PCSK1: variants seen among roughly 807,000 people sequenced by gnomAD.
The protein encoded by PCSK1 is proprotein convertase subtilisin/kexin type 1.
PCSK1 carries 56 observed loss-of-function variants against 90.6 expected under a neutral mutation model. The ratio of observed to expected loss-of-function variants is 0.62; its 90% CI spans 0.50 to 0.77. The LOEUF (loss-of-function observed/expected upper bound fraction) is 0.77, where lower values mean the gene tolerates loss of function less well. Among genes scored for constraint, PCSK1 ranks in the 30% least tolerant of loss-of-function variants. PCSK1 has a pLI of 0.00. For missense variants in PCSK1, 801 were observed against 932.6 expected (o/e 0.86, Z 1.84); for synonymous variants, 348 against 342.4 (o/e 1.02, Z -0.18).
At chr5:96,423,632 A>C (rs1021652361) in intron 3 of PCSK1, among the ~76,000 whole-genome samples, 173 bp from the exon 4 acceptor site, 2 of 152,152 alleles carry the variant, frequency 1.3e-5, no homozygotes, top group African/African-American at 4.8e-5. Context: ...GGCCAAATGA[A>C]CCCCCAGAGT....
In PCSK1 at chr5:96,399,801, T is replaced by A. The variant is rs1183573850; in HGVS notation, c.1430+152A>T. On this transcript the variant is annotated intron_variant, in intron 10 of 13. Transcript: ENST00000311106. Reference sequence around the variant, plus strand: ...GTTTCTAGAGCTTTGGTCTCTTAGTTAGTCCCCATGGATACCCACAGAGAA... The same window carrying A: ...GTTTCTAGAGCTTTGGTCTCTTAGTAAGTCCCCATGGATACCCACAGAGAA... 7 of 672,404 alleles carry A rather than the reference T, an allele frequency of 1.0e-5. No homozygotes were observed. The African/African-American group carries it at 1.3e-4, about 12-fold the overall frequency. The allele number at this position is 672,404 out of a possible 1,614,324, so 41.7% of individuals were successfully genotyped here.
At chr5:96,394,362 C>T (rs372219153) in intron 13 of PCSK1, among the ~76,000 whole-genome samples, 4 of 152,284 alleles carry the variant, frequency 2.6e-5, no homozygotes, top group South Asian at 2.1e-4. Flanking sequence ...TGTGATCTAT[C>T]GCTCCCCTTG....
Position 96,410,856 on chromosome 5 carries a change from C to T in PCSK1, c.1013G>A (p.Gly338Asp). Residue 338 changes from glycine to aspartate, a missense_variant, in exon 8 of 14, where the codon GGC becomes GAC. Transcript: ENST00000311106. The part of the protein sequence containing the change: ...TISISSASQQ[G>D]LSPWYAEKCS... ...CTTCTCAGCGTACCAGGGGGATAGGCCTTGCTGGGAGGCACTGCTGATGGA... is the reference window on the plus strand; with the variant it reads ...CTTCTCAGCGTACCAGGGGGATAGGTCTTGCTGGGAGGCACTGCTGATGGA... 2.5e-6 allele frequency: 4 copies of T among 1,614,056 alleles called. No individual in the cohort carries two copies. Among genetic ancestry groups the T allele is most frequent in the Non-Finnish European group, 3.4e-6 (4 of 1,179,940 alleles).
chr5:96,431,112 C>G (rs949258957), intron 1 of PCSK1, among the ~76,000 whole-genome samples: 9 of 152,150 alleles, frequency 5.9e-5, no homozygotes, highest in African/African-American at 1.7e-4. Context: ...GTGTCCACCC[C>G]CATAGGTCAT....
At position 96,412,752 on chromosome 5, in the gene PCSK1, G is replaced by GTTTTTTTTTTTTTGTTT. The variant is rs1554058734; in HGVS notation, c.710-263_710-262insAAACAAAAAAAAAAAAA. On this transcript the variant is annotated intron_variant, in intron 6 of 13. Transcript: ENST00000311106. The stretch of plus-strand genomic sequence containing the variant: ...CATGCACTGTGTAGGCAGCTGTGAT[G>GTTTTTTTTTTTTTGTTT]TTTTTTTTTTTTTTTTTTTTTTTGG... Among the ~76,000 whole-genome samples, 100 of 71,804 alleles carry GTTTTTTTTTTTTTGTTT rather than the reference G, an allele frequency of 1.4e-3. 10 individuals carry two copies. Among genetic ancestry groups the GTTTTTTTTTTTTTGTTT allele is most frequent in the African/African-American group, 8.6e-3 (96 of 11,124 alleles). The allele number at this position is 71,804 out of a possible 152,430, so 47.1% of individuals were successfully genotyped here. A position where few individuals can be genotyped will look rare whatever the true frequency, so the allele number is the denominator to read the frequency against.
In PCSK1 at chr5:96,392,089, T is replaced by C. The variant is rs1759963384; in HGVS notation, c.*912A>G. ...CCCTATTATGAGTATTTTTCTATTA[T>C]TACATTAGGTCTCCATGTGATAAGT... On this transcript the variant is annotated 3_prime_UTR_variant, in exon 14 of 14. Coordinates refer to ENST00000311106, the MANE Select transcript of PCSK1 (RefSeq NM_000439.5). 1.3e-5 allele frequency: 2 copies of C among 152,188 alleles called. No individual in the cohort carries two copies. The highest frequency in any genetic ancestry group is 4.8e-5 in the African/African-American group (2 of 41,446). 9.4% of individuals were successfully genotyped at this position (152,188 alleles called of 1,614,324 possible). A position where few individuals can be genotyped will look rare whatever the true frequency, so the allele number is the denominator to read the frequency against.
chr5:96,411,801 T>A (rs1207299891), intron 7 of PCSK1, among the ~76,000 whole-genome samples: 1 of 152,182 alleles, frequency 6.6e-6, no homozygotes, highest in Non-Finnish European at 1.5e-5. Context: ...TAGGGAAAAT[T>A]CATTTTATTT....
At chr5:96,431,577 G>A (rs2112453540) in intron 1 of PCSK1, among the ~76,000 whole-genome samples, 1 of 152,254 alleles carries the variant, frequency 6.6e-6, no homozygotes, top group African/African-American at 2.4e-5. Flanking sequence ...CTGGCACGAG[G>A]GCAAGGGCTG....
chr5:96,415,688 CTT>C (rs887662150), intron 6 of PCSK1, among the ~76,000 whole-genome samples: 1 of 152,138 alleles, frequency 6.6e-6, no homozygotes, highest in Non-Finnish European at 1.5e-5. Context: ...CAGGAAAAGT[CTT>C]TGCCTAAATT....
chr5:96,415,546 G>A (rs1760913505), intron 6 of PCSK1, among the ~76,000 whole-genome samples: 1 of 152,166 alleles, frequency 6.6e-6, no homozygotes, highest in African/African-American at 2.4e-5. Context: ...GGACACTGAT[G>A]AAAACAATTA....
chr5:96,406,860 G>C (rs1013647486), intron 9 of PCSK1, among the ~76,000 whole-genome samples: 28 of 152,130 alleles, frequency 1.8e-4, no homozygotes, highest in African/African-American at 6.8e-4. Context: ...CACCTGACTT[G>C]ACATTTCAAG....
At chr5:96,418,647 C>T (rs975456613) in intron 5 of PCSK1, among the ~76,000 whole-genome samples, 12 of 152,180 alleles carry the variant, frequency 7.9e-5, no homozygotes, top group African/African-American at 2.9e-4. Context: ...TATAATACCT[C>T]TCCAATTGCT....
rs200462856 is a variant in PCSK1 at position 96,423,386 on chromosome 5, G to A, written c.470C>T (p.Thr157Met). The change falls in exon 4 of 14, where the codon ACG becomes ATG. Residue 157 changes from threonine to methionine, a missense_variant. Physicochemically the swap from Thr to Met is moderately conservative, Grantham distance 81. Coordinates refer to ENST00000311106, the MANE Select transcript of PCSK1 (RefSeq NM_000439.5). ...TACGGTGATAACAACTCCTTTGCCC[G>A]TAATGCCTTTTTGCCAAACAGGTAT... ...HVIPVWQKGI[T>M]GKGVVITVLD... 62 of 1,613,776 alleles carry A rather than the reference G, an allele frequency of 3.8e-5. No homozygotes were observed. Among genetic ancestry groups the A allele is most frequent in the African/African-American group, 5.3e-5 (4 of 74,908 alleles).
chr5:96,393,357 G>C lies in PCSK1; in HGVS notation c.1906C>G (p.Pro636Ala). ...PGEEQPTQEN[P>A]KENTLVSKSP... Reference sequence around the variant, plus strand: ...TTGGACACCAGGGTGTTCTCCTTAGGGTTCTCTTGTGTGGGCTGCTCCTAA... The same window carrying C: ...TTGGACACCAGGGTGTTCTCCTTAGCGTTCTCTTGTGTGGGCTGCTCCTAA... The change falls in exon 14 of 14, where the codon CCT (proline) becomes GCT (alanine). Residue 636 changes from proline to alanine, a missense_variant. By Grantham distance (27) the Pro-to-Ala change is conservative. Transcript: ENST00000311106. 6.2e-7 allele frequency: 1 copy of C among 1,613,908 alleles called. No homozygotes were observed. Among genetic ancestry groups the C allele is most frequent in the Non-Finnish European group, 8.5e-7 (1 of 1,179,920 alleles).
chr5:96,391,757 C>T lies in PCSK1; in HGVS notation c.*1244G>A, dbSNP rs1759951169. 1 of 152,124 alleles carries T rather than the reference C, an allele frequency of 6.6e-6. No homozygotes were observed. The highest frequency in any genetic ancestry group is 2.1e-4 in the South Asian group (1 of 4,828). The allele number at this position is 152,124 out of a possible 1,614,324, so 9.4% of individuals were successfully genotyped here. ...AGCTCCAGCTAACTGTTGCCATGAG[C>T]AAAGATGGGTCCGAGAATGAGGTTT... On this transcript the variant is annotated 3_prime_UTR_variant, in exon 14 of 14. Coordinates refer to ENST00000311106, the MANE Select transcript of PCSK1 (RefSeq NM_000439.5).
chr5:96,401,279 C>G (rs1286619740), intron 9 of PCSK1, among the ~76,000 whole-genome samples: 1 of 151,918 alleles, frequency 6.6e-6, no homozygotes, highest in Non-Finnish European at 1.5e-5. Context: ...TGGACTTTGA[C>G]AGGGGGTAGA....
At chr5:96,425,042 AAGAAAGAAAGAAAGAAAGAAAG>A (rs1761255619) in intron 3 of PCSK1, among the ~76,000 whole-genome samples, 1 of 140,488 alleles carries the variant, frequency 7.1e-6, no homozygotes, top group Non-Finnish European at 1.5e-5. Context: ...GAAAGAAAGA[AAGAAAGAAAGAAAGAAAGAAAG>A]AAAGAAAGAA....
At chr5:96,413,295 G>A (rs550265449) in intron 6 of PCSK1, among the ~76,000 whole-genome samples, 6 of 152,260 alleles carry the variant, frequency 3.9e-5, no homozygotes, top group East Asian at 1.9e-4. Flanking sequence ...GCTGTCACCC[G>A]TCATCAGACT....
Position 96,423,401 on chromosome 5 carries a change from CAA to C in PCSK1, c.453_454del (p.Trp152AlafsTer16). On this transcript the variant is annotated frameshift_variant, in exon 4 of 14. Coordinates refer to ENST00000311106, the MANE Select transcript of PCSK1 (RefSeq NM_000439.5). LOFTEE classifies it high-confidence loss of function. ...TCCTTTGCCCGTAATGCCTTTTTGC[CAA>C]ACAGGTATCACATGAAGGTCCAGCT... is the stretch of plus-strand genomic sequence containing the variant. 6.2e-7 allele frequency: 1 copy of C among 1,614,042 alleles called. No individual in the cohort carries two copies. Among genetic ancestry groups the C allele is most frequent in the Non-Finnish European group, 8.5e-7 (1 of 1,179,918 alleles).
Sources: gnomAD v4.1 joint callset for allele counts (sites outside exome capture counted in the v4.1 genomes callset) on GRCh38, gnomAD v4.1.1 for gene constraint, MANE v1.5 for transcripts, NCBI Gene and HGNC (gene_info 2026-07-23, HGNC 2026-07-21) for gene names.